Variants in CST8 observed in about 807,000 individuals in gnomAD.
The protein encoded by CST8 is cystatin-8.
In CST8, 20 loss-of-function variants were observed where a neutral mutation model predicts 11.8. That is an observed-to-expected ratio of 1.70 (90% CI 1.20 to 2.47). The LOEUF (loss-of-function observed/expected upper bound fraction) is 2.47. Among genes scored for constraint, CST8 ranks in the 30% most tolerant of loss-of-function variants. The pLI is 0.00. For missense variants in CST8, 196 were observed against 167.2 expected, an observed-to-expected ratio of 1.17 and a Z score of -0.95; for synonymous variants, 77 against 63.1, an observed-to-expected ratio of 1.22 and a Z score of -1.05.
At chr20:23,500,574 CCTT>C (rs1190935300), downstream of CST8, among the ~76,000 whole-genome samples, 1 of 152,098 alleles carries the variant, frequency 6.6e-6, no homozygotes, top group Non-Finnish European at 1.5e-5. Flanking sequence ...GAGGGGCCCT[CCTT>C]CTCCTACGTG....
At chr20:23,498,956 A>T (rs1988123167), downstream of CST8, among the ~76,000 whole-genome samples, 1 of 152,154 alleles carries the variant, frequency 6.6e-6, no homozygotes, top group Admixed American at 6.5e-5. Flanking sequence ...GGCTGCATGG[A>T]CTTATAGCTC....
At chr20:23,499,247 T>C (rs896058154), downstream of CST8, among the ~76,000 whole-genome samples, 8 of 152,192 alleles carry the variant, frequency 5.3e-5, no homozygotes, top group African/African-American at 1.9e-4. Context: ...CATTTCTATT[T>C]ATATTAAAAT....
chr20:23,495,466 G>A (rs1031115162), intron 3 of CST8, among the ~76,000 whole-genome samples: 5 of 152,000 alleles, frequency 3.3e-5, no homozygotes, highest in African/African-American at 1.2e-4. Context: ...ATATTAAAAT[G>A]GATTATTTAA....
chr20:23,492,948 T>C lies in CST8; in HGVS notation c.232-10T>C. 6.8e-7 allele frequency: 1 copy of C among 1,481,448 alleles called. No homozygotes were observed. The highest frequency in any genetic ancestry group is 9.4e-7 in the Non-Finnish European group (1 of 1,059,676). The allele number at this position is 1,481,448 out of a possible 1,614,324, so 91.8% of individuals were successfully genotyped here. ...CTTTTGAATAAAATTGCATAATTGC[T>C]AACCAACAGGTCACAAATCTTCTGG... On this transcript the variant is annotated splice_polypyrimidine_tract_variant and intron_variant, in intron 2 of 3. Transcript: ENST00000246012.
chr20:23,494,965 C>G lies in CST8; in HGVS notation c.346-866C>G, dbSNP rs915141686. Among the ~76,000 whole-genome samples, 6 of 152,120 alleles carry G rather than the reference C, an allele frequency of 3.9e-5. No homozygotes were observed. The South Asian group carries it at 8.3e-4, about 21-fold the overall frequency. On this transcript the variant is annotated intron_variant, in intron 3 of 3. Coordinates refer to ENST00000246012, the MANE Select transcript of CST8 (RefSeq NM_005492.4). Reference sequence around the variant, plus strand: ...TTTTTTTCTGATCCTCTCTCTCCCCCGCCCTCCATTCTCCAGGAGGCCCCA... The same window carrying G: ...TTTTTTTCTGATCCTCTCTCTCCCCGGCCCTCCATTCTCCAGGAGGCCCCA...
intron 2 of CST8, 23 bp from the exon 3 acceptor site, chr20:23,492,935 A>G (rs766399901): frequency 4.7e-5 from 61 of 1,303,914 alleles, no homozygotes; most frequent in Non-Finnish European, 6.1e-5. Flanking sequence ...TTTGAATAAA[A>G]TTGCATAATT....
At chr20:23,498,206 T>C (rs992775942), downstream of CST8, among the ~76,000 whole-genome samples, 3 of 151,926 alleles carry the variant, frequency 2.0e-5, no homozygotes, top group African/African-American at 7.3e-5. Context: ...GCTCTGGAGG[T>C]TGGATGCATG....
downstream of CST8, among the ~76,000 whole-genome samples, chr20:23,496,747 C>A (rs3004106): frequency 1.3e-5 from 2 of 151,984 alleles, no homozygotes; most frequent in Non-Finnish European, 2.9e-5. Flanking sequence ...CCCCCCAAAG[C>A]GGCCATTTTA....
downstream of CST8, among the ~76,000 whole-genome samples, chr20:23,497,012 G>T (rs192573945): frequency 5.1e-4 from 77 of 152,224 alleles, no homozygotes; most frequent in African/African-American, 1.8e-3. Flanking sequence ...TGCAGTTAAC[G>T]CAATCATCAC....
the CST8 span, among the ~76,000 whole-genome samples, chr20:23,506,653 T>A: frequency 1.3e-5 from 2 of 152,054 alleles, no homozygotes; most frequent in African/African-American, 4.8e-5. Flanking sequence ...AATAAAAAAA[T>A]AAAAGATAAT....
At chr20:23,501,225 T>A in the CST8 span, among the ~76,000 whole-genome samples, 1 of 152,212 alleles carries the variant, frequency 6.6e-6, no homozygotes, top group South Asian at 2.1e-4. Context: ...CTACGACTCC[T>A]CCAGTTCTCC....
At position 23,491,812 on chromosome 20, in the gene CST8, CTG is replaced by C; in HGVS notation, c.148_149del (p.Trp50ValfsTer37). 6.2e-7 allele frequency: 1 copy of C among 1,614,130 alleles called. No homozygotes were observed. Among genetic ancestry groups the C allele is most frequent in the Non-Finnish European group, 8.5e-7 (1 of 1,179,996 alleles). ...CTCAAATGCCAACGTGAAGCAGTGTCTGTGGTTTGCCATGCAAGAATACAACA... is the reference window on the plus strand; with the variant it reads ...CTCAAATGCCAACGTGAAGCAGTGTCTGGTTTGCCATGCAAGAATACAACA... ...NASNANVKQCLWFAMQEYNKE... is the reference protein window; with the variant it reads ...NASNANVKQCXWFAMQEYNKE... On this transcript the variant is annotated frameshift_variant, in exon 2 of 4. Transcript: ENST00000246012. LOFTEE classifies it high-confidence loss of function.
At chr20:23,502,010 G>T in the CST8 span, among the ~76,000 whole-genome samples, 1 of 152,208 alleles carries the variant, frequency 6.6e-6, no homozygotes. Context: ...CCACCCAGGT[G>T]AAGCTGATAA....
chr20:23,504,287 T>C, the CST8 span, among the ~76,000 whole-genome samples: 2 of 152,154 alleles, frequency 1.3e-5, no homozygotes, highest in African/African-American at 2.4e-5. Flanking sequence ...AGTTCAACAG[T>C]GTAGAGCCAA....
Position 23,496,008 on chromosome 20 carries a change from T to C in CST8, c.*94T>C. 1.1e-6 allele frequency: 1 copy of C among 936,134 alleles called. No homozygotes were observed. Among genetic ancestry groups the C allele is most frequent in the Non-Finnish European group, 1.7e-6 (1 of 591,952 alleles). 58.0% of individuals were successfully genotyped at this position (936,134 alleles called of 1,614,324 possible). On this transcript the variant is annotated 3_prime_UTR_variant, in exon 4 of 4. Coordinates refer to ENST00000246012, the MANE Select transcript of CST8 (RefSeq NM_005492.4). ...GGAGGCTCTTCCCAATGTGCTTTCT[T>C]CATGCATGCCTCTCTGCTTGGTGTT...
In CST8 at chr20:23,493,070, G is replaced by A. The variant is rs755487271; in HGVS notation, c.344G>A (p.Arg115Lys). 6.3e-7 allele frequency: 1 copy of A among 1,581,734 alleles called. No individual in the cohort carries two copies. The highest frequency in any genetic ancestry group is 8.7e-7 in the Non-Finnish European group (1 of 1,150,932). ...CAIQENSKLK[R>K]KLSCSFLVGA... is the part of the protein sequence containing the mutation. ...ATTCAAGAAAACTCCAAGCTGAAAA[G>A]GGTAGGTGATGAACCACTCATCTGT... Residue 115 changes from arginine to lysine, a missense_variant and splice_region_variant, in exon 3 of 4, where the codon AGG (arginine) becomes AAG (lysine). By Grantham distance (26) the Arg-to-Lys change is conservative. Coordinates refer to ENST00000246012, the MANE Select transcript of CST8 (RefSeq NM_005492.4).
chr20:23,504,593 AT>A, the CST8 span, among the ~76,000 whole-genome samples: 1 of 152,194 alleles, frequency 6.6e-6, no homozygotes, highest in Admixed American at 6.5e-5. Flanking sequence ...ATTTATAGAT[AT>A]AAATGTTTAC....
At chr20:23,505,040 A>C in the CST8 span, among the ~76,000 whole-genome samples, 1 of 151,852 alleles carries the variant, frequency 6.6e-6, no homozygotes, top group Non-Finnish European at 1.5e-5. Flanking sequence ...TTGAATTTGA[A>C]GCTCTTTTGC....
chr20:23,503,880 G>A, the CST8 span, among the ~76,000 whole-genome samples: 1 of 152,200 alleles, frequency 6.6e-6, no homozygotes, highest in African/African-American at 2.4e-5. Flanking sequence ...AGTCATGGCG[G>A]GCGGGTCAAG....
Sources: gnomAD v4.1 joint callset for allele counts (sites outside exome capture counted in the v4.1 genomes callset) on GRCh38, gnomAD v4.1.1 for gene constraint, MANE v1.5 for transcripts, NCBI Gene and HGNC (gene_info 2026-07-23, HGNC 2026-07-21) for gene names.